SNX4: variants seen among roughly 807,000 people sequenced by gnomAD.
SNX4 encodes the protein sorting nexin-4.
Under a neutral mutation model 70.8 loss-of-function variants are expected in SNX4, and 49 were observed. The observed-to-expected ratio is 0.69, with a 90% CI of 0.55 to 0.88. SNX4 has a LOEUF of 0.88. Ranked by LOEUF, SNX4 falls within the 40% of genes least tolerant of loss-of-function variation. SNX4 has a pLI of 0.00. For missense variants in SNX4, 528 were observed against 544.8 expected (o/e 0.97, Z 0.31); for synonymous variants, 206 against 183.8 (o/e 1.12, Z -0.98).
chr3:125,517,951 T>A (rs1254395528), intron 1 of SNX4, among the ~76,000 whole-genome samples: 1 of 151,868 alleles, frequency 6.6e-6, no homozygotes, highest in Non-Finnish European at 1.5e-5. Context: ...CACTCCAGCC[T>A]GGGTGACAGG....
At chr3:125,467,566 A>G (rs1934060465) in intron 9 of SNX4, among the ~76,000 whole-genome samples, 1 of 151,264 alleles carries the variant, frequency 6.6e-6, no homozygotes, top group South Asian at 2.1e-4. Context: ...CAGAATGGTT[A>G]TTATTATTAT....
chr3:125,459,181 T>A (rs1933811098), intron 10 of SNX4, among the ~76,000 whole-genome samples: 1 of 151,330 alleles, frequency 6.6e-6, no homozygotes. Flanking sequence ...CTCAAAAAAA[T>A]AAAAAAAACA....
chr3:125,516,666 C>A (rs1236361810), intron 1 of SNX4, among the ~76,000 whole-genome samples: 1 of 152,144 alleles, frequency 6.6e-6, no homozygotes, highest in Admixed American at 6.5e-5. Flanking sequence ...CATGGTGAAA[C>A]CCCCTCTTTA....
intron 9 of SNX4, 64 bp downstream of exon 9, chr3:125,469,390 G>C: frequency 9.6e-7 from 1 of 1,039,562 alleles, no homozygotes; most frequent in South Asian, 1.3e-5. Context: ...AAGAATAGAA[G>C]AGTCACTAAT....
chr3:125,460,987 A>T (rs561649860), intron 9 of SNX4, 127 bp from the exon 10 acceptor site: 2 of 373,626 alleles, frequency 5.4e-6, no homozygotes, highest in African/African-American at 4.2e-5. Flanking sequence ...GCACTTTGGG[A>T]GGCCAAGAAG....
intron 2 of SNX4, among the ~76,000 whole-genome samples, chr3:125,502,494 G>A (rs1365111719): frequency 1.3e-5 from 2 of 152,106 alleles, no homozygotes; most frequent in African/African-American, 4.8e-5. Flanking sequence ...AAGAAGCCTT[G>A]AAAAGTCACA....
chr3:125,453,261 C>T (rs1031034844), intron 12 of SNX4, among the ~76,000 whole-genome samples: 1 of 152,138 alleles, frequency 6.6e-6, no homozygotes, highest in Non-Finnish European at 1.5e-5. Context: ...CCATACCATA[C>T]TGGCATGAAT....
intron 1 of SNX4, among the ~76,000 whole-genome samples, chr3:125,507,315 C>G: frequency 6.6e-6 from 1 of 151,340 alleles, no homozygotes; most frequent in East Asian, 1.9e-4. Context: ...AGAGAACTGG[C>G]AAACTAGAAG....
At chr3:125,482,618 C>G (rs12491438) in intron 6 of SNX4, among the ~76,000 whole-genome samples, 10,258 of 152,020 alleles carry the variant, frequency 0.067, 471 homozygotes, top group Non-Finnish European at 0.1. Context: ...TATACCACCC[C>G]CTTGCTTTTA....
chr3:125,485,064 CA>C (rs1187435072), intron 6 of SNX4, among the ~76,000 whole-genome samples: 1 of 147,096 alleles, frequency 6.8e-6, no homozygotes, highest in East Asian at 2.0e-4. Flanking sequence ...ACTCCATCTC[CA>C]AAAAAAAACA....
At chr3:125,472,882 TC>T (rs1934208972) in intron 8 of SNX4, among the ~76,000 whole-genome samples, 1 of 152,012 alleles carries the variant, frequency 6.6e-6, no homozygotes. Flanking sequence ...CTCTGCACCT[TC>T]CCTATCTTCT....
intron 10 of SNX4, among the ~76,000 whole-genome samples, chr3:125,458,714 T>A (rs566024879): frequency 2.8e-5 from 4 of 144,038 alleles, no homozygotes; most frequent in African/African-American, 1.0e-4. Flanking sequence ...CGCGGGAGGC[T>A]GAAGCAGGAG....
chr3:125,519,026 A>T (rs4318508), intron 1 of SNX4, among the ~76,000 whole-genome samples: 43,127 of 149,548 alleles, frequency 0.29, 6,606 homozygotes, highest in African/African-American at 0.4. Flanking sequence ...ATAAATAAAT[A>T]AATTAATTAA....
At chr3:125,501,052 T>G (rs1358699161) in intron 2 of SNX4, among the ~76,000 whole-genome samples, 2 of 152,094 alleles carry the variant, frequency 1.3e-5, no homozygotes, top group East Asian at 3.8e-4. Context: ...ATATTCATAT[T>G]GTCCACAACT....
At chr3:125,457,154 A>T (rs1305719229) in intron 11 of SNX4, 112 bp downstream of exon 11, 5 of 738,306 alleles carry the variant, frequency 6.8e-6, no homozygotes, top group Non-Finnish European at 1.2e-5. Flanking sequence ...CGTCCTGAGT[A>T]TTGTAACTGG....
rs1935096901 is a variant in SNX4, at chr3:125,508,438, G to A, written c.142-3694C>T. On this transcript the variant is annotated intron_variant, in intron 1 of 13. Transcript: ENST00000251775. ...CAAAATTAGCCGGGCGTGGTGGCAGGCGCCTGTAGTCCCAACCACTCAGGA... is the reference window on the plus strand; with the variant it reads ...CAAAATTAGCCGGGCGTGGTGGCAGACGCCTGTAGTCCCAACCACTCAGGA... 2.0e-5 allele frequency among the ~76,000 whole-genome samples: 3 copies of A among 147,460 alleles called. No individual in the cohort carries two copies. The South Asian group carries it at 6.5e-4, about 32-fold the overall frequency.
intron 1 of SNX4, among the ~76,000 whole-genome samples, chr3:125,518,967 C>G (rs1026839192): frequency 6.6e-6 from 1 of 151,672 alleles, no homozygotes; most frequent in Non-Finnish European, 1.5e-5. Context: ...GAGCCGAGAT[C>G]GTGCCACTGC....
At chr3:125,460,892 G>T (rs1375142389) in intron 9 of SNX4, 32 bp from the exon 10 acceptor site, 5 of 693,812 alleles carry the variant, frequency 7.2e-6, no homozygotes, top group African/African-American at 2.5e-5. Context: ...ACATTGCATA[G>T]AGTTACTTTC....
chr3:125,449,126 T>G (rs1485298838), intron 13 of SNX4: 1 of 152,126 alleles, frequency 6.6e-6, no homozygotes, highest in Non-Finnish European at 1.5e-5. Flanking sequence ...TCTTTTCTTT[T>G]TGAAAGAAGG....
Sources: gnomAD v4.1 joint callset for allele counts (sites outside exome capture counted in the v4.1 genomes callset) on GRCh38, gnomAD v4.1.1 for gene constraint, MANE v1.5 for transcripts, NCBI Gene and HGNC (gene_info 2026-07-23, HGNC 2026-07-21) for gene names.